RIMS1: variants seen among roughly 807,000 people sequenced by gnomAD.
The protein encoded by RIMS1 is regulating synaptic membrane exocytosis protein 1.
A neutral mutation model predicts 214.1 loss-of-function variants in RIMS1; 83 were observed. The ratio of observed to expected loss-of-function variants is 0.39; its 90% CI spans 0.32 to 0.47. The LOEUF is 0.47. Among genes scored for constraint, RIMS1 ranks in the 20% least tolerant of loss-of-function variants. The pLI, the probability that RIMS1 is intolerant of heterozygous loss-of-function variation, is 0.99. For synonymous variants in RIMS1, 793 were observed against 786.8 expected (o/e 1.01, Z -0.13); for missense variants, 2,050 against 2,161.8 (o/e 0.95, Z 1.03).
chr6:72,399,235 T>C (rs2098812773), intron 33 of RIMS1, 141 bp downstream of exon 33: 1 of 520,776 alleles, frequency 1.9e-6, no homozygotes, highest in African/African-American at 2.0e-5. Flanking sequence ...ATTCAAATGG[T>C]TAGTTTATAA....
intron 30 of RIMS1, among the ~76,000 whole-genome samples, chr6:72,392,393 G>A (rs78761502): frequency 0.011 from 1,600 of 152,124 alleles, 30 homozygotes; most frequent in African/African-American, 0.037. Flanking sequence ...ATAAAAATTC[G>A]CATCTTATGT....
chr6:72,201,901 A>G (rs551515305), intron 6 of RIMS1, among the ~76,000 whole-genome samples: 1 of 152,270 alleles, frequency 6.6e-6, no homozygotes, highest in Non-Finnish European at 1.5e-5. Flanking sequence ...CCTGTCCAGG[A>G]GTTAGATAGA....
At chr6:72,085,106 A>G (rs1301921185) in intron 2 of RIMS1, among the ~76,000 whole-genome samples, 1 of 152,160 alleles carries the variant, frequency 6.6e-6, no homozygotes, top group African/African-American at 2.4e-5. Flanking sequence ...AAGAAAAGTA[A>G]TTTAAATAAC....
At chr6:72,068,354 T>A (rs2152287316) in intron 2 of RIMS1, among the ~76,000 whole-genome samples, 1 of 121,888 alleles carries the variant, frequency 8.2e-6, no homozygotes, top group South Asian at 2.8e-4. Flanking sequence ...TGAAACCACT[T>A]TTTTGTCCAC....
At chr6:72,213,725 C>T (rs930966314) in intron 6 of RIMS1, among the ~76,000 whole-genome samples, 5 of 151,970 alleles carry the variant, frequency 3.3e-5, no homozygotes, top group Admixed American at 1.3e-4. Flanking sequence ...TGGGTTCTTG[C>T]GAAAGTACCA....
intron 16 of RIMS1, among the ~76,000 whole-genome samples, chr6:72,256,460 C>T (rs1260948982): frequency 1.3e-5 from 2 of 151,986 alleles, no homozygotes; most frequent in African/African-American, 4.8e-5. Context: ...ATCCAGGAAA[C>T]AATTATATAC....
Position 72,393,272 on chromosome 6 carries a change from ATCTG to A in RIMS1, c.4618+468_4618+471del, listed in dbSNP as rs532873414. The stretch of plus-strand genomic sequence containing the variant: ...AAAGTACTGGAGAACACTTAAGTTA[ATCTG>A]TCTGTAATCTTGCAGTGGGAAAGAA... On this transcript the variant is annotated intron_variant, in intron 31 of 33. Transcript: ENST00000521978. Among the ~76,000 whole-genome samples, 6 of 152,306 alleles carry A rather than the reference ATCTG, an allele frequency of 3.9e-5. No homozygotes were observed. In the South Asian group the frequency reaches 1.0e-3, roughly 26 times the overall value.
intron 6 of RIMS1, among the ~76,000 whole-genome samples, chr6:72,191,087 G>A (rs755891271): frequency 6.6e-6 from 1 of 152,208 alleles, no homozygotes; most frequent in Admixed American, 6.5e-5. Flanking sequence ...TATGAACCAA[G>A]TGACAGAGCA....
At chr6:71,913,623 A>G (rs144782271) in intron 1 of RIMS1, among the ~76,000 whole-genome samples, 5 of 152,252 alleles carry the variant, frequency 3.3e-5, no homozygotes, top group Non-Finnish European at 7.4e-5. Context: ...ATGACTCAAG[A>G]TCTCCCTTTA....
At chr6:71,927,590 G>A (rs1781912207) in intron 1 of RIMS1, among the ~76,000 whole-genome samples, 1 of 152,004 alleles carries the variant, frequency 6.6e-6, no homozygotes, top group Admixed American at 6.6e-5. Flanking sequence ...AATATGTTAG[G>A]ATTATTTTTG....
At position 72,097,008 on chromosome 6, in the gene RIMS1, C is replaced by G. The variant is rs777907746; in HGVS notation, c.305C>G (p.Ala102Gly). The change falls in exon 3 of 34, where the codon GCG becomes GGG. Residue 102 changes from alanine to glycine, a missense_variant. Ala to Gly is a moderately conservative substitution (Grantham distance 60). Coordinates refer to ENST00000521978, the MANE Select transcript of RIMS1 (RefSeq NM_014989.7). ...KEQVRKIGEEARRYQGEHKDD... is the reference protein window; with the variant it reads ...KEQVRKIGEEGRRYQGEHKDD... Reference sequence around the variant, plus strand: ...CAAGTGAGAAAAATAGGGGAAGAAGCGCGGCGTTACCAGGGCGAGCACAAA... The same window carrying G: ...CAAGTGAGAAAAATAGGGGAAGAAGGGCGGCGTTACCAGGGCGAGCACAAA... The G allele has an allele frequency of 1.9e-6, 3 of 1,613,742 alleles. No individual in the cohort carries two copies. Among genetic ancestry groups the G allele is most frequent in the South Asian group, 2.2e-5 (2 of 91,080 alleles).
intron 19 of RIMS1, 68 bp from the exon 20 acceptor site, chr6:72,264,907 A>G: frequency 1.0e-6 from 1 of 979,118 alleles, no homozygotes; most frequent in Non-Finnish European, 1.5e-6. Flanking sequence ...TACTTTCTGA[A>G]TATCTTAATA....
At chr6:72,268,147 A>G (rs773452536) in intron 22 of RIMS1, among the ~76,000 whole-genome samples, 6 of 152,168 alleles carry the variant, frequency 3.9e-5, no homozygotes, top group Non-Finnish European at 8.8e-5. Context: ...GAGGATAGAG[A>G]CTACAAGTAC....
chr6:72,374,538 T>C lies in RIMS1; in HGVS notation c.4367-16060T>C, dbSNP rs192273217. Among the ~76,000 whole-genome samples the C allele has an allele frequency of 4.1e-4, 62 of 152,344 alleles. 1 individual carries two copies. The highest frequency in any genetic ancestry group is 1.4e-3 in the African/African-American group (60 of 41,574). ...CCTCAAATTAGCACAATTTACATTA[T>C]TTGCCTATTTTCTCTCTTGTCATAT... is the stretch of plus-strand genomic sequence containing the variant. On this transcript the variant is annotated intron_variant, in intron 29 of 33. Coordinates refer to ENST00000521978, the MANE Select transcript of RIMS1 (RefSeq NM_014989.7).
At chr6:72,098,435 C>T (rs2032544026) in intron 3 of RIMS1, among the ~76,000 whole-genome samples, 2 of 152,076 alleles carry the variant, frequency 1.3e-5, no homozygotes, top group South Asian at 4.1e-4. Context: ...GCTGAGATTA[C>T]AGGTGGCTGC....
At chr6:72,241,209 T>C (rs1390422974) in intron 9 of RIMS1, among the ~76,000 whole-genome samples, 3 of 152,218 alleles carry the variant, frequency 2.0e-5, no homozygotes, top group Non-Finnish European at 2.9e-5. Flanking sequence ...GATTTTATGC[T>C]TATACTTGGC....
At chr6:72,053,187 C>G (rs1400639353) in intron 2 of RIMS1, among the ~76,000 whole-genome samples, 3 of 152,180 alleles carry the variant, frequency 2.0e-5, no homozygotes, top group African/African-American at 7.2e-5. Context: ...TGTTCCTCAC[C>G]ATGACCAGAC....
chr6:71,896,629 A>C (rs1248857127), intron 1 of RIMS1, among the ~76,000 whole-genome samples: 1 of 152,192 alleles, frequency 6.6e-6, no homozygotes, highest in African/African-American at 2.4e-5. Context: ...TAAAAAAAAT[A>C]TGACATACGC....
chr6:72,033,000 A>C (rs555811390), intron 2 of RIMS1, among the ~76,000 whole-genome samples: 1 of 152,324 alleles, frequency 6.6e-6, no homozygotes, highest in East Asian at 1.9e-4. Flanking sequence ...GGGATGACAA[A>C]AGACTGAGAA....
Sources: gnomAD v4.1 joint callset for allele counts (sites outside exome capture counted in the v4.1 genomes callset) on GRCh38, gnomAD v4.1.1 for gene constraint, MANE v1.5 for transcripts, NCBI Gene and HGNC (gene_info 2026-07-23, HGNC 2026-07-21) for gene names.